ATP2B2: variants seen among roughly 807,000 people sequenced by gnomAD.
The protein encoded by ATP2B2 is ATPase plasma membrane Ca2+ transporting 2.
In ATP2B2, 15 loss-of-function variants were observed where a neutral mutation model predicts 120.0. That is an observed-to-expected ratio of 0.12 (90% CI 0.08 to 0.19). The LOEUF is 0.19. ATP2B2 is among the 10% of genes least tolerant of loss of function. The pLI, the probability that ATP2B2 is intolerant of heterozygous loss-of-function variation, is 1.00. For synonymous variants in ATP2B2, 694 were observed against 700.3 expected (o/e 0.99, Z 0.14); for missense variants, 1,045 against 1,719.8 (o/e 0.61, Z 6.94).
intron 2 of ATP2B2, among the ~76,000 whole-genome samples, chr3:10,602,334 G>A (rs781721936): frequency 6.6e-6 from 1 of 152,288 alleles, no homozygotes; most frequent in Admixed American, 6.5e-5. Flanking sequence ...CTAAGATGAC[G>A]GCTGGCCCTC....
chr3:10,514,533 A>C (rs531078765), intron 3 of ATP2B2, among the ~76,000 whole-genome samples: 1 of 152,264 alleles, frequency 6.6e-6, no homozygotes, highest in East Asian at 1.9e-4. Context: ...GTGCCGCTGC[A>C]TTCCTGTGTC....
intron 3 of ATP2B2, among the ~76,000 whole-genome samples, chr3:10,528,670 CACTTTTATGT>C (rs148886384): frequency 0.078 from 11,885 of 152,164 alleles, 847 homozygotes; most frequent in African/African-American, 0.18. Context: ...ATATATTTTT[CACTTTTATGT>C]GAATTGATAT....
At chr3:10,539,038 C>CA (rs1245339330) in intron 2 of ATP2B2, among the ~76,000 whole-genome samples, 1 of 152,214 alleles carries the variant, frequency 6.6e-6, no homozygotes, top group African/African-American at 2.4e-5. Context: ...TCTCAGGATA[C>CA]AAAATCAATG....
At chr3:10,391,720 C>T (rs752810857) in intron 5 of ATP2B2, among the ~76,000 whole-genome samples, 9 of 152,122 alleles carry the variant, frequency 5.9e-5, no homozygotes, top group South Asian at 2.1e-4. Flanking sequence ...GTCCTCCCTC[C>T]CTCTGTCCTC....
intron 8 of ATP2B2, 93 bp from the exon 9 acceptor site, chr3:10,379,377 C>T (rs1045073226): frequency 2.1e-6 from 3 of 1,403,106 alleles, no homozygotes; most frequent in Non-Finnish European, 3.0e-6. Flanking sequence ...ATTAATGTCA[C>T]AGATGAAGGG....
intron 2 of ATP2B2, 51 bp downstream of exon 2, chr3:10,449,294 A>G: frequency 6.3e-7 from 1 of 1,597,428 alleles, no homozygotes; most frequent in Non-Finnish European, 8.6e-7. Flanking sequence ...TGGCCAATTC[A>G]GATGGTGGCC....
In ATP2B2 at chr3:10,679,178, G is replaced by A. The variant is rs538389416; in HGVS notation, c.-460+28737C>T. Among the ~76,000 whole-genome samples the A allele has an allele frequency of 7.2e-5, 11 of 152,260 alleles. 1 individual carries two copies. The East Asian group carries it at 9.7e-4, about 13-fold the overall frequency. ...CAGCCACATCCTGGATTGCAGCTTC[G>A]TGAGACCCCAAGCAGAGGATACTTG... On this transcript the variant is annotated intron_variant, in intron 1 of 21. Transcript: ENST00000646379.
chr3:10,493,023 GTTCATTCA>G lies in ATP2B2; in HGVS notation c.-320+12434_-320+12441del, dbSNP rs575814546. Among the ~76,000 whole-genome samples the G allele has an allele frequency of 1.8e-4, 28 of 152,102 alleles. No individual in the cohort carries two copies. In the South Asian group the frequency reaches 4.4e-3, roughly 24 times the overall value. On this transcript the variant is annotated intron_variant, in intron 1 of 22. Coordinates refer to ENST00000360273, the MANE Select transcript of ATP2B2 (RefSeq NM_001001331.4). ...CTCTCCATATCTGGCCAATTCATTTGTTCATTCATTCATTCATTCATTCATTCCACACA... is the reference window on the plus strand; with the variant it reads ...CTCTCCATATCTGGCCAATTCATTTGTTCATTCATTCATTCATTCCACACA...
At chr3:10,669,771 C>T (rs991387725) in intron 1 of ATP2B2, among the ~76,000 whole-genome samples, 27 of 152,052 alleles carry the variant, frequency 1.8e-4, no homozygotes, top group Non-Finnish European at 2.6e-4. Context: ...GTCACCCCCA[C>T]CCCCCAGAGA....
intron 5 of ATP2B2, among the ~76,000 whole-genome samples, chr3:10,397,383 G>A (rs902049324): frequency 6.6e-6 from 1 of 152,186 alleles, no homozygotes; most frequent in African/African-American, 2.4e-5. Context: ...TGGGATGGTC[G>A]ACAAATTTTG....
chr3:10,560,842 A>C (rs2067888561), intron 2 of ATP2B2, among the ~76,000 whole-genome samples: 1 of 152,018 alleles, frequency 6.6e-6, no homozygotes, highest in African/African-American at 2.4e-5. Context: ...ACCTCTCCCC[A>C]GCCCCTCACA....
chr3:10,495,603 C>T (rs1224549648), intron 1 of ATP2B2, among the ~76,000 whole-genome samples: 2 of 152,226 alleles, frequency 1.3e-5, no homozygotes, highest in African/African-American at 4.8e-5. Context: ...CTGATGTCTC[C>T]ACTCAGCTCA....
intron 3 of ATP2B2, among the ~76,000 whole-genome samples, chr3:10,405,761 G>C (rs2062390097): frequency 6.6e-6 from 1 of 152,160 alleles, no homozygotes; most frequent in Admixed American, 6.5e-5. Flanking sequence ...CCAGTACAAT[G>C]GTGAACCTGC....
At chr3:10,662,427 C>T (rs573938469) in intron 1 of ATP2B2, among the ~76,000 whole-genome samples, 10 of 138,838 alleles carry the variant, frequency 7.2e-5, no homozygotes, top group South Asian at 4.4e-4. Flanking sequence ...AAAAAGTGGG[C>T]GAAGGACATG....
chr3:10,401,776 C>G (rs1297568975), intron 4 of ATP2B2, among the ~76,000 whole-genome samples: 1 of 152,346 alleles, frequency 6.6e-6, no homozygotes, highest in East Asian at 1.9e-4. Context: ...GAGTGCTGTG[C>G]TGAGAAGGCT....
chr3:10,547,575 A>G (rs1252038507), intron 2 of ATP2B2, among the ~76,000 whole-genome samples: 1 of 152,184 alleles, frequency 6.6e-6, no homozygotes, highest in Non-Finnish European at 1.5e-5. Context: ...TATGCCCATT[A>G]TTCCACTCAC....
chr3:10,550,495 A>AT lies in ATP2B2; in HGVS notation c.-414-16363dup, dbSNP rs1230191096. Among the ~76,000 whole-genome samples, 6 of 152,082 alleles carry AT rather than the reference A, an allele frequency of 3.9e-5. No homozygotes were observed. The South Asian group carries it at 8.3e-4, about 21-fold the overall frequency. On this transcript the variant is annotated intron_variant, in intron 2 of 21. Coordinates refer to the ATP2B2 transcript ENST00000646379. Reference sequence around the variant, plus strand: ...GTTTTTTTTACACCCCAGAAAGCACATTTTTTGTCTATGTGATAGTTTTTT... The same window carrying AT: ...GTTTTTTTTACACCCCAGAAAGCACATTTTTTTGTCTATGTGATAGTTTTTT...
At chr3:10,336,393 C>G in intron 22 of ATP2B2, 1 of 1,253,714 alleles carries the variant, frequency 8.0e-7, no homozygotes, top group Non-Finnish European at 1.1e-6. Context: ...CAGCCGCAGC[C>G]ACGGCAACAA....
chr3:10,395,555 C>T (rs1047556038), intron 5 of ATP2B2, among the ~76,000 whole-genome samples: 2 of 152,224 alleles, frequency 1.3e-5, no homozygotes, highest in African/African-American at 4.8e-5. Context: ...AAAAGGTTAG[C>T]AACAGCCGAA....
Sources: gnomAD v4.1 joint callset for allele counts (sites outside exome capture counted in the v4.1 genomes callset) on GRCh38, gnomAD v4.1.1 for gene constraint, MANE v1.5 for transcripts, NCBI Gene and HGNC (gene_info 2026-07-23, HGNC 2026-07-21) for gene names.